The following C2CD5 variants were observed in gnomAD, a reference collection of about 807,000 sequenced individuals.
C2CD5 encodes C2 domain-containing protein 5.
Under a neutral mutation model 130.3 loss-of-function variants are expected in C2CD5, and 109 were observed. The ratio of observed to expected loss-of-function variants is 0.84; its 90% CI spans 0.72 to 0.98. The LOEUF (loss-of-function observed/expected upper bound fraction) is 0.98, where lower values mean the gene tolerates loss of function less well. C2CD5 is among the 50% of genes least tolerant of loss of function. The probability of loss-of-function intolerance (pLI) is 0.00; values close to 1 mark genes in which losing one functional copy is unlikely to be tolerated. For missense variants in C2CD5, 996 were observed against 1,261.8 expected (o/e 0.79, Z 3.19); for synonymous variants, 454 against 429.2 (o/e 1.06, Z -0.71).
At chr12:22,480,772 T>A (rs1438831593) in intron 14 of C2CD5, among the ~76,000 whole-genome samples, 1 of 152,070 alleles carries the variant, frequency 6.6e-6, no homozygotes, top group Non-Finnish European at 1.5e-5. Flanking sequence ...AAATAACCAC[T>A]TTTCCCCAAG....
chr12:22,510,559 A>C (rs1949073836), intron 9 of C2CD5, among the ~76,000 whole-genome samples: 1 of 152,206 alleles, frequency 6.6e-6, no homozygotes, highest in Non-Finnish European at 1.5e-5. Context: ...ATTGCAAAAG[A>C]CTAAACTTTC....
At chr12:22,469,030 T>C (rs371360072) in intron 22 of C2CD5, among the ~76,000 whole-genome samples, 68 of 152,302 alleles carry the variant, frequency 4.5e-4, no homozygotes, top group African/African-American at 1.3e-3. Flanking sequence ...AAATAAGGCA[T>C]AGTAATTTTA....
chr12:22,515,220 CAAT>C (rs1392666784), intron 8 of C2CD5: 1 of 629,378 alleles, frequency 1.6e-6, no homozygotes, highest in Non-Finnish European at 2.0e-6. Flanking sequence ...CTAAGGAAAG[CAAT>C]GATGAGGCAA....
intron 20 of C2CD5, 127 bp from the exon 21 acceptor site, chr12:22,471,038 G>T: frequency 1.6e-6 from 1 of 625,448 alleles, no homozygotes; most frequent in Non-Finnish European, 2.8e-6. Flanking sequence ...TCCTCAACCA[G>T]AATTATGTAT....
intron 19 of C2CD5, among the ~76,000 whole-genome samples, 168 bp downstream of exon 19, chr12:22,471,799 G>A (rs907500242): frequency 1.3e-5 from 2 of 151,870 alleles, no homozygotes; most frequent in South Asian, 4.2e-4. Flanking sequence ...ATATAGTAAG[G>A]GGGAGAGGAC....
At chr12:22,534,267 T>C (rs1951611065) in intron 3 of C2CD5, among the ~76,000 whole-genome samples, 1 of 152,138 alleles carries the variant, frequency 6.6e-6, no homozygotes. Context: ...GACCTACATA[T>C]AGGAATTAAA....
intron 14 of C2CD5, among the ~76,000 whole-genome samples, chr12:22,480,989 G>A (rs1275875544): frequency 6.6e-6 from 1 of 151,968 alleles, no homozygotes; most frequent in African/African-American, 2.4e-5. Context: ...ATTTTTAGTA[G>A]AGATGGGGTT....
intron 9 of C2CD5, among the ~76,000 whole-genome samples, chr12:22,508,207 T>G (rs139618110): frequency 1.7e-3 from 260 of 152,194 alleles, no homozygotes; most frequent in African/African-American, 5.9e-3. Flanking sequence ...TTTCTAAAAT[T>G]TATTTAGAAA....
chr12:22,459,195 A>C (rs1447253359), intron 23 of C2CD5, among the ~76,000 whole-genome samples: 4 of 152,142 alleles, frequency 2.6e-5, no homozygotes, highest in Non-Finnish European at 5.9e-5. Context: ...TGTGAGCCTC[A>C]CAAGTTCCCC....
chr12:22,542,855 A>C (rs1395056800), intron 2 of C2CD5, among the ~76,000 whole-genome samples: 2 of 152,252 alleles, frequency 1.3e-5, no homozygotes, highest in African/African-American at 4.8e-5. Context: ...TAAGAATTTA[A>C]AAGTACTTAG....
intron 10 of C2CD5, chr12:22,502,652 C>T (rs919667808): frequency 4.4e-6 from 3 of 687,644 alleles, no homozygotes; most frequent in Non-Finnish European, 7.5e-6. Flanking sequence ...GACCTTAAAC[C>T]TACTTCATCT....
intron 22 of C2CD5, among the ~76,000 whole-genome samples, chr12:22,469,015 C>T (rs1366565116): frequency 6.6e-6 from 1 of 152,016 alleles, no homozygotes; most frequent in Non-Finnish European, 1.5e-5. Context: ...ATACATAATG[C>T]TACAAAATAA....
intron 15 of C2CD5, among the ~76,000 whole-genome samples, chr12:22,477,784 T>C (rs997525750): frequency 2.0e-5 from 3 of 152,116 alleles, no homozygotes; most frequent in African/African-American, 7.2e-5. Context: ...GGGAGCAAAT[T>C]TGTAAAAAAA....
intron 8 of C2CD5, among the ~76,000 whole-genome samples, chr12:22,514,003 T>A (rs530270670): frequency 6.6e-6 from 1 of 152,304 alleles, no homozygotes; most frequent in South Asian, 2.1e-4. Flanking sequence ...AGACATGTAA[T>A]AGACACATCA....
chr12:22,528,715 C>CTTAAT (rs1451090250), intron 3 of C2CD5, among the ~76,000 whole-genome samples: 15 of 152,106 alleles, frequency 9.9e-5, no homozygotes, highest in African/African-American at 3.6e-4. Flanking sequence ...ACATACCATA[C>CTTAAT]TATTAAGACT....
At chr12:22,525,422 T>G (rs1950637620) in intron 5 of C2CD5, among the ~76,000 whole-genome samples, 188 bp downstream of exon 5, 2 of 152,188 alleles carry the variant, frequency 1.3e-5, no homozygotes, top group Non-Finnish European at 2.9e-5. Flanking sequence ...CTATAAATTT[T>G]CAAAAACTAG....
At chr12:22,502,696 A>C in intron 10 of C2CD5, 2 of 1,121,588 alleles carry the variant, frequency 1.8e-6, no homozygotes, top group Non-Finnish European at 2.6e-6. Flanking sequence ...GAGCTGCCAT[A>C]ATTTTTGTCA....
chr12:22,461,994 G>C (rs1427835162), intron 22 of C2CD5, among the ~76,000 whole-genome samples: 2 of 152,136 alleles, frequency 1.3e-5, no homozygotes, highest in Non-Finnish European at 2.9e-5. Flanking sequence ...TCAAATGTCT[G>C]ATGACCTCAG....
intron 12 of C2CD5, among the ~76,000 whole-genome samples, chr12:22,488,239 C>G (rs940857829): frequency 6.6e-6 from 1 of 151,930 alleles, no homozygotes; most frequent in Non-Finnish European, 1.5e-5. Flanking sequence ...ATAAGAATTT[C>G]TATAGGCAGC....
Sources: allele counts gnomAD v4.1 joint callset (sites outside exome capture counted in the v4.1 genomes callset), GRCh38; gene constraint gnomAD v4.1.1; transcripts MANE v1.5; gene names NCBI Gene and HGNC (gene_info 2026-07-23, HGNC 2026-07-21).